The following MGAT4C variants were observed in gnomAD, a reference collection of about 807,000 sequenced individuals.
The protein encoded by MGAT4C is alpha-1,3-mannosyl-glycoprotein 4-beta-N-acetylglucosaminyltransferase C.
MGAT4C carries 19 observed loss-of-function variants against 40.1 expected under a neutral mutation model. That is an observed-to-expected ratio of 0.47 (90% CI 0.33 to 0.70). The LOEUF (loss-of-function observed/expected upper bound fraction) is 0.70, where lower values mean the gene tolerates loss of function less well. Among genes scored for constraint, MGAT4C ranks in the 30% least tolerant of loss-of-function variants. The pLI is 0.02. For missense variants in MGAT4C, 491 were observed against 563.2 expected (o/e 0.87, Z 1.30); for synonymous variants, 181 against 187.1 (o/e 0.97, Z 0.27).
intron 1 of MGAT4C, among the ~76,000 whole-genome samples, chr12:86,180,688 T>C (rs1312338116): frequency 6.6e-6 from 1 of 152,174 alleles, no homozygotes; most frequent in East Asian, 1.9e-4. Flanking sequence ...TCTTACCCCT[T>C]TGCTTTGGCC....
intron 2 of MGAT4C, among the ~76,000 whole-genome samples, chr12:86,475,849 C>CA (rs1957827115): frequency 6.6e-6 from 1 of 151,932 alleles, no homozygotes; most frequent in Admixed American, 6.6e-5. Flanking sequence ...ATTTAATTAT[C>CA]ATCATTATAA....
intron 2 of MGAT4C, among the ~76,000 whole-genome samples, chr12:86,674,161 T>C (rs1964332983): frequency 6.6e-6 from 1 of 152,128 alleles, no homozygotes; most frequent in Non-Finnish European, 1.5e-5. Context: ...AATATACAAA[T>C]ACAAAAATTG....
At chr12:86,087,367 T>C (rs1872059166) in intron 1 of MGAT4C, among the ~76,000 whole-genome samples, 1 of 152,154 alleles carries the variant, frequency 6.6e-6, no homozygotes, top group Non-Finnish European at 1.5e-5. Context: ...TGGATTTCTT[T>C]ATCATATGTT....
At chr12:86,248,194 TCTTCCTTCCTTCCTTC>T (rs71076174) in intron 1 of MGAT4C, among the ~76,000 whole-genome samples, 4,518 of 140,394 alleles carry the variant, frequency 0.032, 96 homozygotes, top group Non-Finnish European at 0.047. Context: ...ACCTAGTTTC[TCTTCCTTCCTTCCTTC>T]CTTCCTTCCT....
At chr12:86,512,425 T>G (rs1958603708) in intron 2 of MGAT4C, among the ~76,000 whole-genome samples, 2 of 152,116 alleles carry the variant, frequency 1.3e-5, no homozygotes, top group Non-Finnish European at 2.9e-5. Flanking sequence ...TCAAAATAAC[T>G]AAAACCAGGA....
chr12:86,012,316 AAC>A (rs1375376648), intron 2 of MGAT4C, among the ~76,000 whole-genome samples: 7 of 152,324 alleles, frequency 4.6e-5, no homozygotes, highest in African/African-American at 1.7e-4. Flanking sequence ...TTGATTACAG[AAC>A]ACAGTTATGG....
chr12:86,239,093 G>T (rs1224972985), intron 1 of MGAT4C, among the ~76,000 whole-genome samples: 1 of 151,792 alleles, frequency 6.6e-6, no homozygotes, highest in Non-Finnish European at 1.5e-5. Context: ...GAGTGTTCTT[G>T]TCTTTTACTT....
chr12:86,665,383 TC>T (rs1395652334), intron 2 of MGAT4C, among the ~76,000 whole-genome samples: 4 of 152,016 alleles, frequency 2.6e-5, no homozygotes, highest in African/African-American at 9.7e-5. Flanking sequence ...CAACTTTTTT[TC>T]TTTTTTTTTT....
At chr12:86,451,683 A>G (rs528081921) in intron 2 of MGAT4C, among the ~76,000 whole-genome samples, 1 of 152,144 alleles carries the variant, frequency 6.6e-6, no homozygotes, top group Non-Finnish European at 1.5e-5. Flanking sequence ...TACAGGTCCC[A>G]TTTTATGGTC....
intron 2 of MGAT4C, among the ~76,000 whole-genome samples, chr12:86,482,402 C>T (rs929608424): frequency 1.3e-5 from 2 of 151,930 alleles, no homozygotes; most frequent in African/African-American, 4.8e-5. Flanking sequence ...ATAATGTTTT[C>T]TATAATTATC....
chr12:86,380,733 C>T (rs2136219654), intron 3 of MGAT4C, among the ~76,000 whole-genome samples: 1 of 152,246 alleles, frequency 6.6e-6, no homozygotes, highest in Non-Finnish European at 1.5e-5. Context: ...ATAAAACCTA[C>T]ATTTTATTCA....
Position 86,476,945 on chromosome 12 carries a change from G to A in MGAT4C, c.-228-41680C>T, listed in dbSNP as rs78704009. Among the ~76,000 whole-genome samples the A allele has an allele frequency of 9.4e-3, 1,433 of 152,042 alleles. 15 individuals carry two copies. Among genetic ancestry groups the A allele is most frequent in the African/African-American group, 0.032 (1,309 of 41,468 alleles). On this transcript the variant is annotated intron_variant, in intron 2 of 7. Coordinates refer to the MGAT4C transcript ENST00000548651. ...ATACTACACAGGGAAATGATGAAGC[G>A]GGGCATGGACTGAAAAACTACCTAT...
At chr12:86,541,065 T>C (rs1292237595) in intron 2 of MGAT4C, among the ~76,000 whole-genome samples, 1 of 152,164 alleles carries the variant, frequency 6.6e-6, no homozygotes, top group African/African-American at 2.4e-5. Context: ...ACATTGTTCA[T>C]TGAAGTTACC....
intron 4 of MGAT4C, among the ~76,000 whole-genome samples, chr12:86,279,974 T>C (rs1953172448): frequency 6.6e-6 from 1 of 152,066 alleles, no homozygotes. Flanking sequence ...TTTTATTTCA[T>C]TATGATCAGA....
At chr12:86,278,876 T>C (rs540696325) in intron 4 of MGAT4C, among the ~76,000 whole-genome samples, 1 of 151,438 alleles carries the variant, frequency 6.6e-6, no homozygotes, top group Non-Finnish European at 1.5e-5. Context: ...GTAGAGTTTT[T>C]ATCATGAAGT....
chr12:86,551,076 A>G (rs543575633), intron 2 of MGAT4C, among the ~76,000 whole-genome samples: 99 of 152,190 alleles, frequency 6.5e-4, no homozygotes, highest in African/African-American at 2.2e-3. Flanking sequence ...TTAAGGGAAC[A>G]CACCCAGGGC....
intron 2 of MGAT4C, among the ~76,000 whole-genome samples, chr12:86,488,734 G>A (rs988610999): frequency 1.3e-5 from 2 of 152,006 alleles, no homozygotes; most frequent in Non-Finnish European, 2.9e-5. Flanking sequence ...AAGCATAACA[G>A]TCCTTCTTAA....
intron 1 of MGAT4C, among the ~76,000 whole-genome samples, chr12:86,779,560 A>G: frequency 6.6e-6 from 1 of 151,740 alleles, no homozygotes; most frequent in East Asian, 1.9e-4. Context: ...CATGATGGCG[A>G]CACTGCACTA....
rs1332977586 is a variant in MGAT4C at position 85,962,948 on chromosome 12, A to G, written c.*16341T>C. 6.6e-6 allele frequency: 1 copy of G among 151,588 alleles called. No homozygotes were observed. Among genetic ancestry groups the G allele is most frequent in the East Asian group, 1.9e-4 (1 of 5,178 alleles). 9.4% of individuals were successfully genotyped at this position (151,588 alleles called of 1,614,324 possible). A position where few individuals can be genotyped will look rare whatever the true frequency, so the allele number is the denominator to read the frequency against. On this transcript the variant is annotated 3_prime_UTR_variant, in exon 5 of 5. Coordinates refer to ENST00000611864, the MANE Select transcript of MGAT4C (RefSeq NM_001351288.2). ...AATATACTTTTCTTACCTACTTGCA[A>G]AAAAAATTACATAAACAAGTATTTC... is the stretch of plus-strand genomic sequence containing the variant.
Sources: gnomAD v4.1 joint callset for allele counts (sites outside exome capture counted in the v4.1 genomes callset) on GRCh38, gnomAD v4.1.1 for gene constraint, MANE v1.5 for transcripts, NCBI Gene and HGNC (gene_info 2026-07-23, HGNC 2026-07-21) for gene names.